INSR: variants seen among roughly 807,000 people sequenced by gnomAD.
The protein encoded by INSR is IR.
A neutral mutation model predicts 142.6 loss-of-function variants in INSR; 67 were observed. The ratio of observed to expected loss-of-function variants is 0.47; its 90% CI spans 0.39 to 0.58. The LOEUF (loss-of-function observed/expected upper bound fraction) is 0.58, where lower values mean the gene tolerates loss of function less well. Among genes scored for constraint, INSR ranks in the 20% least tolerant of loss-of-function variants. The pLI is 0.00. For missense variants in INSR, 1,248 were observed against 1,833.2 expected (o/e 0.68, Z 5.83); for synonymous variants, 756 against 743.1 (o/e 1.02, Z -0.28).
chr19:7,287,507 A>G (rs1222534645), intron 1 of INSR, among the ~76,000 whole-genome samples: 1 of 150,190 alleles, frequency 6.7e-6, no homozygotes, highest in Non-Finnish European at 1.5e-5. Flanking sequence ...GCCTGAGAGA[A>G]AAAAAAAAAA....
intron 2 of INSR, among the ~76,000 whole-genome samples, chr19:7,232,868 G>A (rs1204612682): frequency 6.6e-6 from 1 of 152,062 alleles, no homozygotes; most frequent in African/African-American, 2.4e-5. Context: ...GCTACAATAG[G>A]TCACAATGTA....
rs1461787160 is a variant in INSR at position 7,117,476 on chromosome 19, C to CT, written c.3795-67_3795-66insA. 9.0e-6 allele frequency: 11 copies of CT among 1,226,878 alleles called. No individual in the cohort carries two copies. The Admixed American group carries it at 2.0e-4, about 22-fold the overall frequency. The allele number at this position is 1,226,878 out of a possible 1,614,324, so 76.0% of individuals were successfully genotyped here. A position where few individuals can be genotyped will look rare whatever the true frequency, so the allele number is the denominator to read the frequency against. On this transcript the variant is annotated intron_variant, in intron 21 of 21. Transcript: ENST00000302850. ...CCTGCCACGCATCCTCCCAAACCCCCACTCTTGTCCCTGCAGCCGACACCC... is the reference window on the plus strand; with the variant it reads ...CCTGCCACGCATCCTCCCAAACCCCCTACTCTTGTCCCTGCAGCCGACACCC...
chr19:7,119,468 C>T lies in INSR; in HGVS notation c.3775G>A (p.Asp1259Asn), dbSNP rs369102740. The T allele has an allele frequency of 1.0e-4, 166 of 1,614,052 alleles. 2 individuals are homozygous for T. The highest frequency in any genetic ancestry group is 1.3e-4 in the Non-Finnish European group (149 of 1,180,036). Residue 1259 changes from aspartate (D) to asparagine (N), a missense_variant, in exon 21 of 22, where the codon GAC becomes AAC. Around this residue, in one of 3 missense-constraint regions of INSR, gnomAD observed 1,069 missense variants for 1,654.0 expected, o/e 0.65. Transcript: ENST00000302850. The surrounding 1 kb of genome is among the most constrained non-coding windows in gnomAD (Gnocchi z 5.2). ...VMDGGYLDQPDNCPERVTDLM... is the reference protein window; with the variant it reads ...VMDGGYLDQPNNCPERVTDLM... ...ACTTACACTCTCTCTGGACAGTTGT[C>T]GGGTTGATCCAGATACCCTCCATCC...
intron 10 of INSR, chr19:7,152,436 T>A: frequency 2.2e-6 from 1 of 458,226 alleles, no homozygotes; most frequent in Non-Finnish European, 4.0e-6. Context: ...TCTAACGGAG[T>A]TTGTTTTGGA....
At chr19:7,172,478 T>G (rs749797086) in intron 4 of INSR, 44 bp from the exon 5 acceptor site, 3 of 1,592,892 alleles carry the variant, frequency 1.9e-6, no homozygotes, top group African/African-American at 2.7e-5. Flanking sequence ...ATAGACATAT[T>G]TCAATCTTCT....
intron 13 of INSR, among the ~76,000 whole-genome samples, chr19:7,136,273 A>T (rs1972923910): frequency 6.6e-6 from 1 of 152,138 alleles, no homozygotes; most frequent in Non-Finnish European, 1.5e-5. Flanking sequence ...TTCCAGAGGA[A>T]GTTCGGGGCA....
At chr19:7,121,891 C>T (rs1972500344) in intron 19 of INSR, among the ~76,000 whole-genome samples, 1 of 152,136 alleles carries the variant, frequency 6.6e-6, no homozygotes, top group African/African-American at 2.4e-5. Context: ...GCCTGTAATC[C>T]CAGTGCTTTG....
intron 2 of INSR, among the ~76,000 whole-genome samples, chr19:7,207,645 C>CG (rs1975141037): frequency 6.7e-6 from 1 of 149,726 alleles, no homozygotes; most frequent in Non-Finnish European, 1.5e-5. Context: ...GAGAATGGGC[C>CG]GGGCCAGTGG....
intron 2 of INSR, among the ~76,000 whole-genome samples, chr19:7,211,702 C>A (rs1394388135): frequency 6.6e-6 from 1 of 152,160 alleles, no homozygotes; most frequent in East Asian, 1.9e-4. Flanking sequence ...AGACTGAAAG[C>A]TGCAGGGTCA....
At position 7,216,667 on chromosome 19, in the gene INSR, T is replaced by A. The variant is rs1975443845; in HGVS notation, c.653-32030A>T. 1.3e-5 allele frequency among the ~76,000 whole-genome samples: 2 copies of A among 152,112 alleles called. No homozygotes were observed. Among genetic ancestry groups the A allele is most frequent in the Admixed American group, 1.3e-4 (2 of 15,268 alleles). ...AGGATGCTGGGGCCCCGTATCCACC[T>A]CTCACCAAGGCCCTGCTCTGACTCC... On this transcript the variant is annotated intron_variant, in intron 2 of 21. Transcript: ENST00000302850. This position sits in a 1 kb window ranked among gnomAD's most constrained non-coding sequence, Gnocchi z 4.2.
intron 13 of INSR, among the ~76,000 whole-genome samples, chr19:7,134,705 T>C (rs1174169942): frequency 6.6e-6 from 1 of 151,720 alleles, no homozygotes; most frequent in Admixed American, 6.6e-5. Context: ...GCAGAGTTTG[T>C]AGTGAGTCGA....
At chr19:7,164,592 C>T (rs1263680613) in intron 8 of INSR, among the ~76,000 whole-genome samples, 4 of 139,370 alleles carry the variant, frequency 2.9e-5, no homozygotes, top group Non-Finnish European at 4.5e-5. Flanking sequence ...CCGAGGCAGG[C>T]GGATCACCTG....
chr19:7,288,380 G>A (rs531253133), intron 1 of INSR, among the ~76,000 whole-genome samples: 14 of 152,072 alleles, frequency 9.2e-5, no homozygotes, highest in African/African-American at 3.1e-4. Context: ...GTGCCTGCCT[G>A]TGATCCTAGT....
chr19:7,236,012 T>A (rs1976149217), intron 2 of INSR, among the ~76,000 whole-genome samples: 1 of 150,108 alleles, frequency 6.7e-6, no homozygotes, highest in African/African-American at 2.5e-5. Context: ...CTTGCTTTGT[T>A]ACCCAGGCTG....
At chr19:7,148,836 C>T (rs1973248609) in intron 11 of INSR, among the ~76,000 whole-genome samples, 1 of 151,362 alleles carries the variant, frequency 6.6e-6, no homozygotes, top group Admixed American at 6.6e-5. Flanking sequence ...GCTCTGTGGC[C>T]CAGGCTGGAG....
chr19:7,140,072 C>T (rs1973031619), intron 13 of INSR, among the ~76,000 whole-genome samples: 1 of 152,156 alleles, frequency 6.6e-6, no homozygotes, highest in African/African-American at 2.4e-5. Context: ...AACCCTGTTG[C>T]ACATTCTTTA....
intron 2 of INSR, among the ~76,000 whole-genome samples, chr19:7,222,966 T>C (rs1379274909): frequency 1.3e-5 from 2 of 152,166 alleles, no homozygotes; most frequent in African/African-American, 2.4e-5. Context: ...GCGGATCACC[T>C]GAGGTCAGGA....
chr19:7,174,719 G>C lies in INSR; in HGVS notation c.987C>G (p.Thr329=). ...YTMNSSNLLC[T]PCLGPCPKVC... is the part of the protein sequence containing the mutation. Reference sequence around the variant, plus strand: ...CCTTGGGACAGGGACCCAGGCATGGGGTGCACAGCAAGCTAAGGACGGAGC... The same window carrying C: ...CCTTGGGACAGGGACCCAGGCATGGCGTGCACAGCAAGCTAAGGACGGAGC... The change falls in exon 4 of 22, where the codon ACC becomes ACG. Residue 329 remains threonine (T), a synonymous_variant. Transcript: ENST00000302850. The C allele has an allele frequency of 6.2e-7, 1 of 1,613,896 alleles. No homozygotes were observed. Among genetic ancestry groups the C allele is most frequent in the Non-Finnish European group, 8.5e-7 (1 of 1,179,946 alleles).
At chr19:7,179,486 CA>C (rs1974221910) in intron 3 of INSR, among the ~76,000 whole-genome samples, 1 of 152,194 alleles carries the variant, frequency 6.6e-6, no homozygotes, top group African/African-American at 2.4e-5. Flanking sequence ...AAATACTGAC[CA>C]AATGTTTGAC....
Sources: allele counts gnomAD v4.1 joint callset (sites outside exome capture counted in the v4.1 genomes callset), GRCh38; gene constraint gnomAD v4.1.1; regional missense constraint gnomAD v4.1.1; non-coding constraint Gnocchi (gnomAD v3.1); transcripts MANE v1.5; gene names NCBI Gene and HGNC (gene_info 2026-07-23, HGNC 2026-07-21).